C10orf88: variants seen among roughly 807,000 people sequenced by gnomAD.
C10orf88 encodes chromosome 10 open reading frame 88.
Under a neutral mutation model 34.2 loss-of-function variants are expected in C10orf88, and 29 were observed. The ratio of observed to expected loss-of-function variants is 0.85; its 90% CI spans 0.63 to 1.16. C10orf88 has a LOEUF of 1.16. Ranked by LOEUF, C10orf88 falls within the 50% of genes most tolerant of loss-of-function variation. The probability of loss-of-function intolerance (pLI) is 0.00; values close to 1 mark genes in which losing one functional copy is unlikely to be tolerated. For missense variants in C10orf88, 507 were observed against 533.2 expected, an observed-to-expected ratio of 0.95 and a Z score of 0.48; for synonymous variants, 194 against 197.4, an observed-to-expected ratio of 0.98 and a Z score of 0.15.
rs964600771 is a variant in C10orf88 at position 122,931,515 on chromosome 10, A to G, written c.*912T>C. The G allele has an allele frequency of 6.6e-6, 1 of 152,214 alleles. No individual in the cohort carries two copies. The allele number at this position is 152,214 out of a possible 1,614,324, so 9.4% of individuals were successfully genotyped here. On this transcript the variant is annotated 3_prime_UTR_variant, in exon 6 of 6. Coordinates refer to ENST00000481909, the MANE Select transcript of C10orf88 (RefSeq NM_024942.4). ...CTAACTAAAGACAAGTAGTTCCCAG[A>G]GCAGGTGCATTTATTTTTATATGCA...
intron 5 of C10orf88, among the ~76,000 whole-genome samples, chr10:122,935,802 GTATTT>G (rs1305933477): frequency 1.3e-5 from 2 of 151,300 alleles, no homozygotes; most frequent in African/African-American, 4.8e-5. Flanking sequence ...TCCTTTGTCA[GTATTT>G]TATAATTTTC....
intron 4 of C10orf88, among the ~76,000 whole-genome samples, chr10:122,947,674 C>A (rs1015701335): frequency 6.6e-6 from 1 of 152,116 alleles, no homozygotes; most frequent in Non-Finnish European, 1.5e-5. Flanking sequence ...AACATCCTTC[C>A]AGGGAATGTC....
intron 4 of C10orf88, among the ~76,000 whole-genome samples, chr10:122,942,863 G>T (rs1231438498): frequency 3.6e-3 from 521 of 143,808 alleles, no homozygotes; most frequent in Non-Finnish European, 5.5e-3. Flanking sequence ...CACTGCTCAA[G>T]GAAATAAAAG....
At chr10:122,933,031 GT>G (rs1200422441) in intron 5 of C10orf88, among the ~76,000 whole-genome samples, 1 of 152,030 alleles carries the variant, frequency 6.6e-6, no homozygotes, top group East Asian at 1.9e-4. Context: ...ACTCTATAAA[GT>G]TTTTCTTCCT....
At chr10:122,942,504 G>C (rs1375752795) in intron 4 of C10orf88, among the ~76,000 whole-genome samples, 1 of 151,942 alleles carries the variant, frequency 6.6e-6, no homozygotes, top group Non-Finnish European at 1.5e-5. Context: ...ATTCAACATA[G>C]TGTTGGAAGT....
chr10:122,944,380 T>C (rs1164543886), intron 4 of C10orf88, among the ~76,000 whole-genome samples: 1 of 60,742 alleles, frequency 1.6e-5, no homozygotes, highest in Non-Finnish European at 3.0e-5. Context: ...TGTTGTGGGG[T>C]GGGGGGAGGG....
chr10:122,933,077 TC>T (rs1407297451), intron 5 of C10orf88, among the ~76,000 whole-genome samples: 3 of 152,194 alleles, frequency 2.0e-5, no homozygotes, highest in African/African-American at 7.2e-5. Flanking sequence ...ACTAGAAGGT[TC>T]TTTTTTTTAA....
intron 3 of C10orf88, 121 bp from the exon 4 acceptor site, chr10:122,948,976 T>C (rs1848665956): frequency 1.1e-6 from 1 of 905,326 alleles, no homozygotes; most frequent in African/African-American, 1.7e-5. Context: ...TAACTTCAAG[T>C]ATATTTTAAA....
chr10:122,949,419 G>A, intron 3 of C10orf88, among the ~76,000 whole-genome samples: 1 of 152,132 alleles, frequency 6.6e-6, no homozygotes, highest in East Asian at 1.9e-4. Flanking sequence ...CCTACATAAT[G>A]AGATGAAGTG....
In C10orf88 at chr10:122,937,991, G is replaced by T; in HGVS notation, c.817C>A (p.Gln273Lys). ...LTSGNVTENLQTYIDKSTQLP... is the reference protein window; with the variant it reads ...LTSGNVTENLKTYIDKSTQLP... ...TGTGTACTTTTATCAATGTAAGTTT[G>T]TAAGTTTTCAGTCACGTTCCCAGAT... is the stretch of plus-strand genomic sequence containing the variant. The change falls in exon 5 of 6, where the codon CAA (glutamine) becomes AAA (lysine). Residue 273 changes from glutamine to lysine, a missense_variant. Coordinates refer to ENST00000481909, the MANE Select transcript of C10orf88 (RefSeq NM_024942.4). 1.9e-6 allele frequency: 3 copies of T among 1,613,330 alleles called. No individual in the cohort carries two copies. The highest frequency in any genetic ancestry group is 2.5e-6 in the Non-Finnish European group (3 of 1,179,484).
rs1848485737 is a variant in C10orf88, at chr10:122,931,665, C to T, written c.*762G>A. 6.6e-6 allele frequency: 1 copy of T among 152,108 alleles called. No individual in the cohort carries two copies. Among genetic ancestry groups the T allele is most frequent in the Non-Finnish European group, 1.5e-5 (1 of 68,022 alleles). The allele number at this position is 152,108 out of a possible 1,614,324, so 9.4% of individuals were successfully genotyped here. A position where few individuals can be genotyped will look rare whatever the true frequency, so the allele number is the denominator to read the frequency against. On this transcript the variant is annotated 3_prime_UTR_variant, in exon 6 of 6. Transcript: ENST00000481909. ...CCATGGAGAGCCTCATTATTTCATA[C>T]AATAAACATGCCAGAAAAGGATTCT...
At chr10:122,934,775 A>T (rs1177807665) in intron 5 of C10orf88, among the ~76,000 whole-genome samples, 2 of 152,138 alleles carry the variant, frequency 1.3e-5, no homozygotes, top group African/African-American at 2.4e-5. Context: ...TATTCCTACC[A>T]ACAATGTATG....
Position 122,951,942 on chromosome 10 carries a change from C to T in C10orf88, c.441+12G>A, listed in dbSNP as rs754346974. 41 of 1,509,322 alleles carry T rather than the reference C, an allele frequency of 2.7e-5. No homozygotes were observed. The highest frequency in any genetic ancestry group is 1.4e-5 in the African/African-American group (1 of 71,762). 93.5% of individuals were successfully genotyped at this position (1,509,322 alleles called of 1,614,324 possible). Reference sequence around the variant, plus strand: ...ACTTAGTTGTCAAATTAGTTTACAACTGACAACTTACCTTTATTTTACAAG... The same window carrying T: ...ACTTAGTTGTCAAATTAGTTTACAATTGACAACTTACCTTTATTTTACAAG... On this transcript the variant is annotated intron_variant, in intron 3 of 5. Transcript: ENST00000481909.
chr10:122,953,506 C>CT (rs1227468248), intron 1 of C10orf88, among the ~76,000 whole-genome samples: 1 of 152,230 alleles, frequency 6.6e-6, no homozygotes, highest in Non-Finnish European at 1.5e-5. Context: ...TTCCCAAACT[C>CT]TATTTTTTCC....
chr10:122,938,217 A>G, intron 4 of C10orf88, 58 bp from the exon 5 acceptor site: 1 of 1,374,158 alleles, frequency 7.3e-7, no homozygotes, highest in Non-Finnish European at 9.9e-7. Flanking sequence ...TAACTTTTGG[A>G]GTAATTACTA....
chr10:122,948,712 G>T lies in C10orf88; in HGVS notation c.585C>A (p.Ser195=). 1 of 1,613,912 alleles carries T rather than the reference G, an allele frequency of 6.2e-7. No individual in the cohort carries two copies. Among genetic ancestry groups the T allele is most frequent in the Non-Finnish European group, 8.5e-7 (1 of 1,179,886 alleles). The change falls in exon 4 of 6, where the codon TCC becomes TCA. Residue 195 remains serine (S), a synonymous_variant. Coordinates refer to ENST00000481909, the MANE Select transcript of C10orf88 (RefSeq NM_024942.4). ...CTCCAGGAGATAACTTTGACCCCAT[G>T]GACTCCATTATGGTTTGGACCTTGT... is the stretch of plus-strand genomic sequence containing the variant. ...DLDKVQTIME[S]MGSKLSPGAQ...
At chr10:122,940,102 A>T (rs1848569465) in intron 4 of C10orf88, among the ~76,000 whole-genome samples, 1 of 152,006 alleles carries the variant, frequency 6.6e-6, no homozygotes, top group Non-Finnish European at 1.5e-5. Context: ...CTGCACTCCC[A>T]TGTTCACTGC....
At chr10:122,936,338 T>C (rs1035527369) in intron 5 of C10orf88, among the ~76,000 whole-genome samples, 14 of 151,604 alleles carry the variant, frequency 9.2e-5, no homozygotes, top group African/African-American at 2.9e-4. Context: ...GATGATTGCA[T>C]CTTCTTTTTA....
chr10:122,941,500 C>A (rs1848580963), intron 4 of C10orf88, among the ~76,000 whole-genome samples: 1 of 152,000 alleles, frequency 6.6e-6, no homozygotes, highest in South Asian at 2.1e-4. Context: ...GAAGTCCTGC[C>A]CAAACAACAT....
Sources: gnomAD v4.1 joint callset for allele counts (sites outside exome capture counted in the v4.1 genomes callset) on GRCh38, gnomAD v4.1.1 for gene constraint, MANE v1.5 for transcripts, NCBI Gene and HGNC (gene_info 2026-07-23, HGNC 2026-07-21) for gene names.